MAMDC2: variants seen among roughly 807,000 people sequenced by gnomAD.
The protein encoded by MAMDC2 is MAM domain containing 2.
Under a neutral mutation model 89.8 loss-of-function variants are expected in MAMDC2, and 57 were observed. The observed-to-expected ratio is 0.63, with a 90% CI of 0.51 to 0.79. The LOEUF is 0.79. Ranked by LOEUF, MAMDC2 falls within the 30% of genes least tolerant of loss-of-function variation. The pLI is 0.00. For missense variants in MAMDC2, 800 were observed against 820.6 expected (o/e 0.97, Z 0.31); for synonymous variants, 313 against 293.4 (o/e 1.07, Z -0.68).
chr9:70,225,586 T>C (rs1285769951), intron 12 of MAMDC2, among the ~76,000 whole-genome samples, 164 bp from the exon 13 acceptor site: 1 of 152,160 alleles, frequency 6.6e-6, no homozygotes, highest in African/African-American at 2.4e-5. Flanking sequence ...CAAATAAATA[T>C]TCTCTTTAAT....
chr9:70,061,534 A>T (rs570512767), intron 2 of MAMDC2, among the ~76,000 whole-genome samples: 1 of 152,258 alleles, frequency 6.6e-6, no homozygotes, highest in Admixed American at 6.5e-5. Flanking sequence ...GTAGGGTCTT[A>T]GTGAAATGCT....
intron 11 of MAMDC2, chr9:70,217,191 C>T (rs1587580678): frequency 8.3e-6 from 6 of 719,952 alleles, no homozygotes; most frequent in South Asian, 1.5e-5. Flanking sequence ...GTGGAGCCGT[C>T]GCCACGAAGG....
chr9:70,198,936 G>A (rs914133069), intron 11 of MAMDC2, among the ~76,000 whole-genome samples: 8 of 152,012 alleles, frequency 5.3e-5, no homozygotes, highest in Non-Finnish European at 4.4e-5. Context: ...AATTTTCATA[G>A]TTGATATTCA....
intron 11 of MAMDC2, among the ~76,000 whole-genome samples, chr9:70,187,182 A>C (rs764127375): frequency 6.6e-6 from 1 of 152,102 alleles, no homozygotes; most frequent in African/African-American, 2.4e-5. Context: ...GCCCCTGCCT[A>C]ACTGTCTCTC....
Position 70,137,324 on chromosome 9 carries a change from C to T in MAMDC2, c.995-2821C>T, listed in dbSNP as rs981134863. 3.9e-5 allele frequency among the ~76,000 whole-genome samples: 6 copies of T among 152,208 alleles called. No homozygotes were observed. In the East Asian group the frequency reaches 1.2e-3, roughly 29 times the overall value. ...AAGAATAGGTTGCAAACATCATGCCCCTTTACCATTAAATATTTTAGTGTG... is the reference window on the plus strand; with the variant it reads ...AAGAATAGGTTGCAAACATCATGCCTCTTTACCATTAAATATTTTAGTGTG... On this transcript the variant is annotated intron_variant, in intron 7 of 13. Coordinates refer to ENST00000377182, the MANE Select transcript of MAMDC2 (RefSeq NM_153267.5).
chr9:70,179,446 C>T (rs2032584218), intron 11 of MAMDC2, among the ~76,000 whole-genome samples: 1 of 151,412 alleles, frequency 6.6e-6, no homozygotes, highest in African/African-American at 2.4e-5. Flanking sequence ...ATGGCGTGAA[C>T]CCGGAAGGCG....
intron 11 of MAMDC2, among the ~76,000 whole-genome samples, chr9:70,176,431 T>C (rs1033367664): frequency 2.6e-5 from 4 of 152,226 alleles, no homozygotes; most frequent in African/African-American, 7.2e-5. Context: ...TTATACTTCA[T>C]AGCAAAAATA....
At chr9:70,202,910 A>C (rs2033134088) in intron 11 of MAMDC2, among the ~76,000 whole-genome samples, 1 of 149,150 alleles carries the variant, frequency 6.7e-6, no homozygotes, top group South Asian at 2.1e-4. Flanking sequence ...TTTGCTTGGT[A>C]GATCTTCCTC....
chr9:70,052,486 T>C (rs980311992), intron 2 of MAMDC2, among the ~76,000 whole-genome samples: 15 of 152,224 alleles, frequency 9.9e-5, no homozygotes, highest in Non-Finnish European at 1.6e-4. Flanking sequence ...TCCAGCTTTT[T>C]CTTAAAACAT....
At position 70,166,272 on chromosome 9, in the gene MAMDC2, T is replaced by TACACACAC. The variant is rs551265332; in HGVS notation, c.1405-2429_1405-2428insCACACACA. Among the ~76,000 whole-genome samples, 293 of 49,782 alleles carry TACACACAC rather than the reference T, an allele frequency of 5.9e-3. 1 individual carries two copies. Among genetic ancestry groups the TACACACAC allele is most frequent in the South Asian group, 0.038 (61 of 1,594 alleles). The allele number at this position is 49,782 out of a possible 152,430, so 32.7% of individuals were successfully genotyped here. A position where few individuals can be genotyped will look rare whatever the true frequency, so the allele number is the denominator to read the frequency against. On this transcript the variant is annotated intron_variant, in intron 9 of 13. Coordinates refer to ENST00000377182, the MANE Select transcript of MAMDC2 (RefSeq NM_153267.5). The stretch of plus-strand genomic sequence containing the variant: ...AAAAAACAAAACAGAAATATATATA[T>TACACACAC]ATATACACACACACACACACACACA...
intron 2 of MAMDC2, among the ~76,000 whole-genome samples, chr9:70,047,397 T>C (rs957895495): frequency 2.0e-5 from 3 of 151,856 alleles, no homozygotes; most frequent in Non-Finnish European, 2.9e-5. Flanking sequence ...GTTCCCCTCC[T>C]TGTGTCCGTG....
chr9:70,177,775 G>A (rs2032542876), intron 11 of MAMDC2, among the ~76,000 whole-genome samples: 1 of 152,052 alleles, frequency 6.6e-6, no homozygotes, highest in Non-Finnish European at 1.5e-5. Context: ...GCCTCACTAG[G>A]GTTTCCAAAC....
chr9:70,107,539 G>A (rs921830402), intron 2 of MAMDC2, among the ~76,000 whole-genome samples: 37 of 152,270 alleles, frequency 2.4e-4, no homozygotes, highest in African/African-American at 7.7e-4. Context: ...TGTTTTGCAA[G>A]TGTTTCCTCA....
intron 11 of MAMDC2, among the ~76,000 whole-genome samples, chr9:70,216,758 C>T (rs2033453650): frequency 6.6e-6 from 1 of 152,142 alleles, no homozygotes; most frequent in Non-Finnish European, 1.5e-5. Flanking sequence ...TAAAATGGGC[C>T]TCAGATGCAC....
chr9:70,211,967 C>T (rs1026171259), intron 11 of MAMDC2, among the ~76,000 whole-genome samples: 1 of 152,230 alleles, frequency 6.6e-6, no homozygotes, highest in African/African-American at 2.4e-5. Flanking sequence ...GCAGATGTTG[C>T]TGCCTGATCA....
chr9:70,181,419 T>C (rs976513781), intron 11 of MAMDC2, among the ~76,000 whole-genome samples: 4 of 152,232 alleles, frequency 2.6e-5, no homozygotes, highest in African/African-American at 7.2e-5. Context: ...GGGAATAGCA[T>C]TGAATCTATA....
At chr9:70,160,597 G>A (rs548875219) in intron 9 of MAMDC2, among the ~76,000 whole-genome samples, 2 of 152,298 alleles carry the variant, frequency 1.3e-5, no homozygotes, top group East Asian at 3.9e-4. Flanking sequence ...GTGAAGATAA[G>A]GGTGTAGATG....
chr9:70,221,349 A>C lies in MAMDC2; in HGVS notation c.1911+2753A>C, dbSNP rs1350115964. Among the ~76,000 whole-genome samples, 6 of 81,966 alleles carry C rather than the reference A, an allele frequency of 7.3e-5. No homozygotes were observed. In the Admixed American group the frequency reaches 1.0e-3, roughly 14 times the overall value. The allele number at this position is 81,966 out of a possible 152,430, so 53.8% of individuals were successfully genotyped here. A position where few individuals can be genotyped will look rare whatever the true frequency, so the allele number is the denominator to read the frequency against. On this transcript the variant is annotated intron_variant, in intron 12 of 13. Coordinates refer to ENST00000377182, the MANE Select transcript of MAMDC2 (RefSeq NM_153267.5). ...TGTCTCTAAAAAAAAAAGCAAGCCA[A>C]ACAACAAATATATATATATATATAT...
intron 11 of MAMDC2, among the ~76,000 whole-genome samples, chr9:70,183,406 T>C (rs1466649360): frequency 6.6e-6 from 1 of 152,206 alleles, no homozygotes; most frequent in African/African-American, 2.4e-5. Flanking sequence ...ATATCCTTGT[T>C]AATTTTCTGT....
Sources: gnomAD v4.1 joint callset for allele counts (sites outside exome capture counted in the v4.1 genomes callset) on GRCh38, gnomAD v4.1.1 for gene constraint, MANE v1.5 for transcripts, NCBI Gene and HGNC (gene_info 2026-07-23, HGNC 2026-07-21) for gene names.